The following EGLN3 variants were observed in gnomAD, a reference collection of about 807,000 sequenced individuals.
The protein encoded by EGLN3 is prolyl hydroxylase EGLN3.
In EGLN3, 15 loss-of-function variants were observed where a neutral mutation model predicts 26.0. The ratio of observed to expected loss-of-function variants is 0.58; its 90% CI spans 0.39 to 0.89. EGLN3 has a LOEUF of 0.89. Among genes scored for constraint, EGLN3 ranks in the 40% least tolerant of loss-of-function variants. The pLI is 0.00. For missense variants in EGLN3, 238 were observed against 311.6 expected (o/e 0.76, Z 1.78); for synonymous variants, 147 against 127.2 (o/e 1.16, Z -1.05).
At chr14:33,934,349 TAC>T (rs938827133) in intron 1 of EGLN3, among the ~76,000 whole-genome samples, 2 of 150,614 alleles carry the variant, frequency 1.3e-5, no homozygotes, top group African/African-American at 4.9e-5. Flanking sequence ...TTTGAAGATA[TAC>T]ACAGATATAT....
chr14:33,950,635 C>T lies in EGLN3; in HGVS notation c.118G>A (p.Gly40Ser). ...TTGACGCGCTCCAGGACGCAGTCGC[C>T]CACCACCTCGCCCAGGAAGTTGTCC... ...YLDNFLGEVV[G>S]DCVLERVKQL... The change falls in exon 1 of 5, where the codon GGC becomes AGC. Residue 40 changes from glycine (G) to serine (S), a missense_variant. Transcript: ENST00000250457. The T allele has an allele frequency of 1.9e-6, 3 of 1,613,944 alleles. No homozygotes were observed. The highest frequency in any genetic ancestry group is 2.5e-6 in the Non-Finnish European group (3 of 1,179,946).
chr14:33,926,021 C>T (rs1268536806), intron 4 of EGLN3, 99 bp from the exon 5 acceptor site: 3 of 1,168,604 alleles, frequency 2.6e-6, no homozygotes, highest in Non-Finnish European at 3.8e-6. Context: ...TAAACACTTC[C>T]CATCTTATAT....
At chr14:33,933,971 A>T (rs1056205808) in intron 1 of EGLN3, among the ~76,000 whole-genome samples, 1 of 152,240 alleles carries the variant, frequency 6.6e-6, no homozygotes, top group African/African-American at 2.4e-5. Flanking sequence ...TATCAAGAGG[A>T]TGCCTACTTT....
At chr14:33,926,338 C>T (rs1437256055) in intron 4 of EGLN3, among the ~76,000 whole-genome samples, 1 of 152,200 alleles carries the variant, frequency 6.6e-6, no homozygotes, top group African/African-American at 2.4e-5. Flanking sequence ...TGTTTCCTTA[C>T]TGCAGGATCT....
At chr14:33,943,163 T>C (rs1402871277) in intron 1 of EGLN3, among the ~76,000 whole-genome samples, 1 of 152,226 alleles carries the variant, frequency 6.6e-6, no homozygotes, top group Non-Finnish European at 1.5e-5. Flanking sequence ...GTACAAATTC[T>C]ATGTATAATT....
At chr14:33,941,045 T>C (rs1404335034) in intron 1 of EGLN3, among the ~76,000 whole-genome samples, 1 of 152,168 alleles carries the variant, frequency 6.6e-6, no homozygotes, top group Non-Finnish European at 1.5e-5. Flanking sequence ...GTTAATTCCT[T>C]ATAATCCTAG....
At chr14:33,926,900 A>AC in intron 4 of EGLN3, 60 bp downstream of exon 4, 1 of 1,298,372 alleles carries the variant, frequency 7.7e-7, no homozygotes. Flanking sequence ...ACTACATAAA[A>AC]TTGAATAAAA....
intron 1 of EGLN3, among the ~76,000 whole-genome samples, chr14:33,937,065 C>T (rs2064448335): frequency 6.6e-6 from 1 of 152,150 alleles, no homozygotes; most frequent in Non-Finnish European, 1.5e-5. Context: ...TCCTACAGAA[C>T]AATGTTCACA....
At chr14:33,925,994 C>T in intron 4 of EGLN3, 72 bp from the exon 5 acceptor site, 2 of 1,479,944 alleles carry the variant, frequency 1.4e-6, no homozygotes, top group Non-Finnish European at 1.9e-6. Flanking sequence ...TCACAAATGT[C>T]ACCAAAAAGC....
chr14:33,928,207 G>A (rs1021445010), intron 3 of EGLN3, among the ~76,000 whole-genome samples: 3 of 152,132 alleles, frequency 2.0e-5, no homozygotes, highest in Non-Finnish European at 2.9e-5. Context: ...AAGACATTCC[G>A]ATTTGGCAGT....
chr14:33,938,589 T>G (rs73246244), intron 1 of EGLN3, among the ~76,000 whole-genome samples: 7,036 of 152,254 alleles, frequency 0.046, 457 homozygotes, highest in African/African-American at 0.14. Context: ...CTCCCCCATC[T>G]CTACCCCAGT....
intron 1 of EGLN3, among the ~76,000 whole-genome samples, chr14:33,945,236 A>G (rs928197461): frequency 1.3e-5 from 2 of 151,954 alleles, no homozygotes; most frequent in Non-Finnish European, 2.9e-5. Context: ...ACTCAGCAGC[A>G]CTCCTCCCCA....
chr14:33,928,629 A>G (rs943667157), intron 3 of EGLN3, among the ~76,000 whole-genome samples: 20 of 152,188 alleles, frequency 1.3e-4, no homozygotes, highest in Admixed American at 8.5e-4. Context: ...AAGTCAAAAC[A>G]AATTACTCTT....
At chr14:33,933,599 T>C (rs1333108308) in intron 1 of EGLN3, among the ~76,000 whole-genome samples, 1 of 152,066 alleles carries the variant, frequency 6.6e-6, no homozygotes, top group African/African-American at 2.4e-5. Context: ...TGAGGCTACA[T>C]TTGGCCAATT....
chr14:33,950,352 GTCCCCGC>G (rs2064549574), intron 1 of EGLN3, 37 bp downstream of exon 1: 1 of 1,588,414 alleles, frequency 6.3e-7, no homozygotes, highest in East Asian at 2.2e-5. Context: ...AGTGCCTCCC[GTCCCCGC>G]GGGAGCAGCT....
chr14:33,950,262 A>G (rs1373961204), intron 1 of EGLN3, 134 bp downstream of exon 1: 22 of 844,866 alleles, frequency 2.6e-5, no homozygotes, highest in Non-Finnish European at 3.9e-5. Flanking sequence ...AGCAGCGAGT[A>G]GAGACAAACC....
At chr14:33,933,983 G>C (rs544051941) in intron 1 of EGLN3, among the ~76,000 whole-genome samples, 1 of 152,314 alleles carries the variant, frequency 6.6e-6, no homozygotes, top group South Asian at 2.1e-4. Context: ...GCCTACTTTA[G>C]TACAGGCTTT....
intron 1 of EGLN3, 152 bp downstream of exon 1, chr14:33,950,244 T>C (rs1594387625): frequency 2.8e-6 from 2 of 725,214 alleles, no homozygotes; most frequent in Non-Finnish European, 4.8e-6. Context: ...GGGCGAGGGG[T>C]GGGGGGAAGC....
At chr14:33,935,836 C>T (rs984079679) in intron 1 of EGLN3, among the ~76,000 whole-genome samples, 4 of 152,088 alleles carry the variant, frequency 2.6e-5, no homozygotes, top group Admixed American at 2.6e-4. Flanking sequence ...TCAAGTCCTT[C>T]CCCCATGTCC....
Sources: gnomAD v4.1 joint callset for allele counts (sites outside exome capture counted in the v4.1 genomes callset) on GRCh38, gnomAD v4.1.1 for gene constraint, MANE v1.5 for transcripts, NCBI Gene and HGNC (gene_info 2026-07-23, HGNC 2026-07-21) for gene names.